The following SDHC variants were observed in gnomAD, a reference collection of about 807,000 sequenced individuals.
The protein encoded by SDHC is succinate dehydrogenase complex subunit C, also known as succinate dehydrogenase cytochrome b560 subunit, mitochondrial.
SDHC carries 11 observed loss-of-function variants against 22.6 expected under a neutral mutation model. That is an observed-to-expected ratio of 0.49 (90% CI 0.31 to 0.81). The LOEUF is 0.81. Among genes scored for constraint, SDHC ranks in the 30% least tolerant of loss-of-function variants. The probability of loss-of-function intolerance (pLI) is 0.05; values close to 1 mark genes in which losing one functional copy is unlikely to be tolerated. For synonymous variants in SDHC, 80 were observed against 77.8 expected, an observed-to-expected ratio of 1.03 and a Z score of -0.15; for missense variants, 160 against 212.0, an observed-to-expected ratio of 0.75 and a Z score of 1.52.
At position 161,356,657 on chromosome 1, in the gene SDHC, C is replaced by G; in HGVS notation, c.242-20C>G. 1 of 1,613,304 alleles carries G rather than the reference C, an allele frequency of 6.2e-7. No individual in the cohort carries two copies. The highest frequency in any genetic ancestry group is 8.5e-7 in the Non-Finnish European group (1 of 1,179,640). ...GTAACTTATGAGCAGCTGTGACAAGCTACTTGGTTTTCTCCTCAGGGGTCT... is the reference window on the plus strand; with the variant it reads ...GTAACTTATGAGCAGCTGTGACAAGGTACTTGGTTTTCTCCTCAGGGGTCT... On this transcript the variant is annotated intron_variant, in intron 4 of 5. Transcript: ENST00000367975.
rs948996805 is a variant in SDHC at position 161,363,003 on chromosome 1, T to C, written c.*570T>C. 26 of 250,694 alleles carry C rather than the reference T, an allele frequency of 1.0e-4. No homozygotes were observed. The highest frequency in any genetic ancestry group is 4.6e-4 in the African/African-American group (21 of 45,580). The allele number at this position is 250,694 out of a possible 1,614,324, so 15.5% of individuals were successfully genotyped here. A position where few individuals can be genotyped will look rare whatever the true frequency, so the allele number is the denominator to read the frequency against. ...GAGATAAAGAGGGCTAGTTAGTTCT[T>C]GGAGCAGCTGCTTTTGAGGAGAAAA... On this transcript the variant is annotated 3_prime_UTR_variant, in exon 6 of 6. Transcript: ENST00000367975.
chr1:161,342,577 T>C (rs1056642639), intron 4 of SDHC, among the ~76,000 whole-genome samples: 2 of 151,904 alleles, frequency 1.3e-5, no homozygotes, highest in Admixed American at 1.3e-4. Context: ...GGCACAGCCT[T>C]GGCTCACTGC....
Position 161,363,017 on chromosome 1 carries a change from T to C in SDHC, c.*584T>C. 4.0e-6 allele frequency: 1 copy of C among 249,102 alleles called. No individual in the cohort carries two copies. Among genetic ancestry groups the C allele is most frequent in the Non-Finnish European group, 8.0e-6 (1 of 125,672 alleles). 15.4% of individuals were successfully genotyped at this position (249,102 alleles called of 1,614,324 possible). ...TAGTTAGTTCTTGGAGCAGCTGCTT[T>C]TGAGGAGAAAATATATAGCTTTGGA... On this transcript the variant is annotated 3_prime_UTR_variant, in exon 6 of 6. Coordinates refer to ENST00000367975, the MANE Select transcript of SDHC (RefSeq NM_003001.5).
At chr1:161,321,052 C>A (rs1359368293) in intron 1 of SDHC, among the ~76,000 whole-genome samples, 1 of 152,114 alleles carries the variant, frequency 6.6e-6, no homozygotes, top group African/African-American at 2.4e-5. Context: ...GTCTTGATCT[C>A]CTGACCTTGT....
At chr1:161,334,364 C>T (rs1204921060) in intron 3 of SDHC, among the ~76,000 whole-genome samples, 1 of 152,044 alleles carries the variant, frequency 6.6e-6, no homozygotes, top group Non-Finnish European at 1.5e-5. Flanking sequence ...TGTTAAGGAC[C>T]TTTATGATTA....
At chr1:161,357,800 T>C (rs555805614) in intron 5 of SDHC, among the ~76,000 whole-genome samples, 47 of 152,348 alleles carry the variant, frequency 3.1e-4, no homozygotes. Context: ...ATGTGTCAGG[T>C]ACTGTTGTAG....
intron 2 of SDHC, among the ~76,000 whole-genome samples, chr1:161,325,409 G>A (rs1009370320): frequency 6.6e-6 from 1 of 152,070 alleles, no homozygotes; most frequent in Non-Finnish European, 1.5e-5. Context: ...GCTGGGCATG[G>A]TGGCTCATGC....
intron 4 of SDHC, among the ~76,000 whole-genome samples, chr1:161,355,759 G>A (rs1051770732): frequency 2.0e-5 from 3 of 151,940 alleles, no homozygotes; most frequent in African/African-American, 4.8e-5. Flanking sequence ...TGAGGTGGGC[G>A]AATCACTTGA....
At position 161,340,658 on chromosome 1, in the gene SDHC, A is replaced by G. The variant is rs1413662099; in HGVS notation, c.241+3A>G. The G allele has an allele frequency of 3.7e-6, 6 of 1,612,976 alleles. No homozygotes were observed. The highest frequency in any genetic ancestry group is 5.1e-6 in the Non-Finnish European group (6 of 1,179,028). ...CACTGGTATTGCTTTGAGTGCAGGTATGTATATGTGTTTTTACACACACAT... is the reference window on the plus strand; with the variant it reads ...CACTGGTATTGCTTTGAGTGCAGGTGTGTATATGTGTTTTTACACACACAT... On this transcript the variant is annotated splice_donor_region_variant and intron_variant, in intron 4 of 5. Coordinates refer to ENST00000367975, the MANE Select transcript of SDHC (RefSeq NM_003001.5).
intron 4 of SDHC, among the ~76,000 whole-genome samples, chr1:161,345,713 C>T (rs1434003576): frequency 6.6e-6 from 1 of 152,172 alleles, no homozygotes; most frequent in Non-Finnish European, 1.5e-5. Flanking sequence ...GCCTCGGCCT[C>T]CCAAAGTGTT....
At chr1:161,354,346 C>G (rs1444436174) in intron 4 of SDHC, among the ~76,000 whole-genome samples, 1 of 152,172 alleles carries the variant, frequency 6.6e-6, no homozygotes, top group Non-Finnish European at 1.5e-5. Context: ...AATGTTGAAA[C>G]TGAACTACCT....
intron 1 of SDHC, among the ~76,000 whole-genome samples, chr1:161,319,948 G>A (rs945154352): frequency 9.9e-5 from 15 of 152,180 alleles, no homozygotes; most frequent in Non-Finnish European, 1.3e-4. Flanking sequence ...TGTGAAGTGC[G>A]TTGTTTGCCC....
intron 5 of SDHC, among the ~76,000 whole-genome samples, chr1:161,359,891 T>C (rs34779243): frequency 0.38 from 57,592 of 151,848 alleles, 12,200 homozygotes; most frequent in African/African-American, 0.58. Flanking sequence ...TGCCTACTAC[T>C]GCTACCCAGT....
intron 4 of SDHC, among the ~76,000 whole-genome samples, chr1:161,343,041 G>A (rs562406241): frequency 6.6e-6 from 1 of 152,316 alleles, no homozygotes; most frequent in South Asian, 2.1e-4. Flanking sequence ...TAGAGCAGAT[G>A]GCAACCTTCA....
intron 1 of SDHC, 56 bp downstream of exon 1, chr1:161,314,481 G>T: frequency 6.3e-7 from 1 of 1,596,512 alleles, no homozygotes; most frequent in Non-Finnish European, 8.6e-7. Context: ...ATCTGAACTG[G>T]CCCCTCACGT....
rs918036730 is a variant in SDHC at position 161,319,574 on chromosome 1, G to A, written c.21-4040G>A. On this transcript the variant is annotated intron_variant, in intron 1 of 5. Transcript: ENST00000367975. ...TGATTCTCCTACCTCAGCCACCCGGGTAGCTGGCATTACAGGGGTGTGCCA... is the reference window on the plus strand; with the variant it reads ...TGATTCTCCTACCTCAGCCACCCGGATAGCTGGCATTACAGGGGTGTGCCA... Among the ~76,000 whole-genome samples, 8 of 152,150 alleles carry A rather than the reference G, an allele frequency of 5.3e-5. No homozygotes were observed. The South Asian group carries it at 1.7e-3, about 32-fold the overall frequency.
intron 3 of SDHC, among the ~76,000 whole-genome samples, chr1:161,337,062 T>G (rs113328682): frequency 5.4e-4 from 35 of 64,740 alleles, no homozygotes; most frequent in African/African-American, 1.2e-3. Flanking sequence ...TAGAAATGGG[T>G]TTTTTTTTTT....
intron 3 of SDHC, among the ~76,000 whole-genome samples, chr1:161,334,221 C>T (rs1159427145): frequency 6.6e-6 from 1 of 152,298 alleles, no homozygotes; most frequent in East Asian, 1.9e-4. Flanking sequence ...CCTCCATCTT[C>T]AGAACCAGCA....
intron 3 of SDHC, among the ~76,000 whole-genome samples, chr1:161,339,005 C>T (rs953609746): frequency 1.1e-4 from 17 of 152,020 alleles, no homozygotes; most frequent in Admixed American, 6.6e-4. Flanking sequence ...TGCACCACCA[C>T]GCCTGGCTAA....
Sources: gnomAD v4.1 joint callset for allele counts (sites outside exome capture counted in the v4.1 genomes callset) on GRCh38, gnomAD v4.1.1 for gene constraint, MANE v1.5 for transcripts, NCBI Gene and HGNC (gene_info 2026-07-23, HGNC 2026-07-21) for gene names.